The following TPRG1 variants were observed in gnomAD, a reference collection of about 807,000 sequenced individuals.
The protein encoded by TPRG1 is tumor protein p63 regulated 1.
A neutral mutation model predicts 29.3 loss-of-function variants in TPRG1; 29 were observed. That is an observed-to-expected ratio of 0.99 (90% CI 0.74 to 1.35). The LOEUF (loss-of-function observed/expected upper bound fraction) is 1.35, where lower values mean the gene tolerates loss of function less well. Among genes scored for constraint, TPRG1 ranks in the 40% most tolerant of loss-of-function variants. The pLI is 0.00. For synonymous variants in TPRG1, 130 were observed against 116.8 expected, an observed-to-expected ratio of 1.11 and a Z score of -0.73; for missense variants, 327 against 335.0, an observed-to-expected ratio of 0.98 and a Z score of 0.19.
intron 4 of TPRG1, among the ~76,000 whole-genome samples, chr3:189,068,700 T>C (rs1027292346): frequency 6.6e-6 from 1 of 151,896 alleles, no homozygotes; most frequent in Non-Finnish European, 1.5e-5. Flanking sequence ...CGCTCAAACC[T>C]GGGAGGCGGA....
intron 3 of TPRG1, among the ~76,000 whole-genome samples, chr3:189,011,302 G>A (rs1712586978): frequency 6.6e-6 from 1 of 152,128 alleles, no homozygotes; most frequent in African/African-American, 2.4e-5. Context: ...CGTGAAGAAT[G>A]TCAATGGTAG....
intron 3 of TPRG1, among the ~76,000 whole-genome samples, chr3:189,146,034 AGTT>A (rs1725218239): frequency 6.6e-6 from 1 of 152,240 alleles, no homozygotes; most frequent in Non-Finnish European, 1.5e-5. Flanking sequence ...AATTGGTAGT[AGTT>A]AAAAAGGGAG....
chr3:189,089,534 A>G (rs570819337), intron 4 of TPRG1, among the ~76,000 whole-genome samples: 132 of 152,236 alleles, frequency 8.7e-4, no homozygotes, highest in Middle Eastern at 3.4e-3. Flanking sequence ...TCTTACAGCT[A>G]TGGAGGCTGA....
chr3:189,231,074 T>C (rs1738564245), intron 3 of TPRG1, among the ~76,000 whole-genome samples: 1 of 152,140 alleles, frequency 6.6e-6, no homozygotes, highest in African/African-American at 2.4e-5. Context: ...TTCTTACTTA[T>C]AAGGTGTTCC....
At chr3:189,252,197 C>T (rs1579046924) in intron 4 of TPRG1, among the ~76,000 whole-genome samples, 1 of 152,236 alleles carries the variant, frequency 6.6e-6, no homozygotes, top group East Asian at 1.9e-4. Context: ...TCAGAGAGCA[C>T]GGGGTTGGGG....
At chr3:189,128,360 C>T (rs1722727857) in intron 2 of TPRG1, among the ~76,000 whole-genome samples, 1 of 152,076 alleles carries the variant, frequency 6.6e-6, no homozygotes, top group African/African-American at 2.4e-5. Flanking sequence ...TATTGGAAGT[C>T]AGGTCAAGGT....
intron 4 of TPRG1, among the ~76,000 whole-genome samples, chr3:189,278,936 T>C (rs1264213747): frequency 6.6e-6 from 1 of 152,236 alleles, no homozygotes; most frequent in Admixed American, 6.5e-5. Flanking sequence ...AAGAAGTGTA[T>C]ATATTGCATA....
intron 4 of TPRG1, among the ~76,000 whole-genome samples, chr3:189,256,457 GGTGCT>G (rs919673094): frequency 1.3e-5 from 2 of 152,170 alleles, no homozygotes; most frequent in African/African-American, 4.8e-5. Flanking sequence ...AATGCTAAGT[GGTGCT>G]GAGAAGAATG....
intron 4 of TPRG1, among the ~76,000 whole-genome samples, chr3:189,072,327 T>G (rs1716859219): frequency 1.3e-5 from 2 of 152,158 alleles, no homozygotes; most frequent in African/African-American, 4.8e-5. Flanking sequence ...TGAATTGCAT[T>G]TAGGTGTCAT....
intron 4 of TPRG1, among the ~76,000 whole-genome samples, chr3:189,148,883 T>G (rs1725586368): frequency 6.6e-6 from 1 of 152,196 alleles, no homozygotes; most frequent in Non-Finnish European, 1.5e-5. Context: ...CCCGAAGAAC[T>G]TCCACCATCC....
At chr3:189,250,507 C>CG (rs1742024850) in intron 4 of TPRG1, among the ~76,000 whole-genome samples, 2 of 77,250 alleles carry the variant, frequency 2.6e-5, no homozygotes, top group African/African-American at 1.2e-4. Context: ...GATTTCCGCC[C>CG]CCCCCCCCCC....
chr3:189,255,165 T>C (rs1429553055), intron 4 of TPRG1, among the ~76,000 whole-genome samples: 1 of 152,204 alleles, frequency 6.6e-6, no homozygotes, highest in African/African-American at 2.4e-5. Flanking sequence ...GGGTTTCTCA[T>C]AAATAGCTCC....
At chr3:189,054,937 A>G (rs1715567194) in intron 4 of TPRG1, among the ~76,000 whole-genome samples, 1 of 152,350 alleles carries the variant, frequency 6.6e-6, no homozygotes, top group African/African-American at 2.4e-5. Context: ...AGACTTGCTC[A>G]ATGCAGAGTT....
In TPRG1 at chr3:189,048,949, G is replaced by A. The variant is rs556900261; in HGVS notation, c.-463+25003G>A. 4.6e-5 allele frequency among the ~76,000 whole-genome samples: 7 copies of A among 152,264 alleles called. No individual in the cohort carries two copies. In the South Asian group the frequency reaches 1.2e-3, roughly 27 times the overall value. On this transcript the variant is annotated intron_variant, in intron 4 of 10. Coordinates refer to the TPRG1 transcript ENST00000433971. ...GCTGAGTCAAGTTAGAGAGCTGAGC[G>A]AAATACAGGGGTAGAGGAGCAGCAG...
intron 4 of TPRG1, among the ~76,000 whole-genome samples, chr3:189,272,436 G>A (rs764791222): frequency 5.9e-5 from 9 of 152,236 alleles, no homozygotes; most frequent in Admixed American, 2.6e-4. Context: ...TGAGCTTTCA[G>A]ATTTAATTTG....
chr3:189,160,589 C>T (rs1444325749), intron 5 of TPRG1, among the ~76,000 whole-genome samples: 4 of 152,194 alleles, frequency 2.6e-5, no homozygotes, highest in African/African-American at 7.2e-5. Context: ...TAGCGTTTCT[C>T]TCTCATCCTC....
intron 3 of TPRG1, among the ~76,000 whole-genome samples, chr3:189,010,684 T>C (rs1712552967): frequency 6.6e-6 from 1 of 152,220 alleles, no homozygotes; most frequent in African/African-American, 2.4e-5. Context: ...AACAGACCTT[T>C]GTCAGATGGA....
intron 4 of TPRG1, among the ~76,000 whole-genome samples, chr3:189,068,934 G>A (rs1013960458): frequency 6.6e-6 from 1 of 152,152 alleles, no homozygotes; most frequent in African/African-American, 2.4e-5. Flanking sequence ...CCACTCATTT[G>A]TGGAAGCTAA....
chr3:189,154,022 T>C (rs1726309854), intron 5 of TPRG1, among the ~76,000 whole-genome samples: 1 of 152,200 alleles, frequency 6.6e-6, no homozygotes, highest in African/African-American at 2.4e-5. Context: ...GCCAGCCCTT[T>C]GGGTAGAAAC....
Sources: allele counts gnomAD v4.1 joint callset (sites outside exome capture counted in the v4.1 genomes callset), GRCh38; gene constraint gnomAD v4.1.1; transcripts MANE v1.5; gene names NCBI Gene and HGNC (gene_info 2026-07-23, HGNC 2026-07-21).